LTBP3: variants seen among roughly 807,000 people sequenced by gnomAD.
The protein encoded by LTBP3 is latent transforming growth factor beta binding protein 3, also known as latent-transforming growth factor beta-binding protein 3.
LTBP3 carries 97 observed loss-of-function variants against 159.7 expected under a neutral mutation model. That is an observed-to-expected ratio of 0.61 (90% confidence interval 0.52 to 0.72). LTBP3 has a LOEUF of 0.72. Among genes scored for constraint, LTBP3 ranks in the 30% least tolerant of loss-of-function variants. The pLI, the probability that LTBP3 is intolerant of heterozygous loss-of-function variation, is 0.00. For missense variants in LTBP3, 1,584 were observed against 1,864.3 expected (o/e 0.85, Z 2.77); for synonymous variants, 824 against 777.1 (o/e 1.06, Z -1.00).
rs547217684 is a variant in LTBP3, at chr11:65,554,848, C to A, written c.332-468G>T. Among the ~76,000 whole-genome samples, 2 of 152,072 alleles carry A rather than the reference C, an allele frequency of 1.3e-5. No homozygotes were observed. Among genetic ancestry groups the A allele is most frequent in the South Asian group, 4.1e-4 (2 of 4,824 alleles). ...CCCATAAACCCTTCCCTCCTTCAGGCCTCAGTCCTCTCTGCCTGCTCTCCA... is the reference window on the plus strand; with the variant it reads ...CCCATAAACCCTTCCCTCCTTCAGGACTCAGTCCTCTCTGCCTGCTCTCCA... On this transcript the variant is annotated intron_variant, in intron 1 of 27. Transcript: ENST00000301873. The surrounding 1 kb of genome is among the most constrained non-coding windows in gnomAD (Gnocchi z 5.3).
At chr11:65,555,025 C>A (rs1422026304) in intron 1 of LTBP3, among the ~76,000 whole-genome samples, 1 of 151,976 alleles carries the variant, frequency 6.6e-6, no homozygotes, top group Non-Finnish European at 1.5e-5. Flanking sequence ...CCTGCCTCCC[C>A]ACCTCCTCTT....
intron 18 of LTBP3, chr11:65,542,060 T>C: frequency 5.7e-6 from 2 of 348,510 alleles, no homozygotes; most frequent in Non-Finnish European, 1.1e-5. Flanking sequence ...AACTCTGTGC[T>C]CAGGGCACCC....
intron 11 of LTBP3, 93 bp downstream of exon 11, chr11:65,551,033 A>C: frequency 8.9e-5 from 86 of 968,336 alleles, no homozygotes; most frequent in Middle Eastern, 2.3e-4. Flanking sequence ...CTAGCCTATT[A>C]GCGCTAGGGA....
In LTBP3 at chr11:65,539,315, A is replaced by G; in HGVS notation, c.3760+13T>C. ...GGCCCCGCCCCTGCCCCCACCCCCG[A>G]AGCCCGGCTCACCCACGCAGCGGGC... On this transcript the variant is annotated intron_variant, in intron 27 of 27. Coordinates refer to ENST00000301873, the MANE Select transcript of LTBP3 (RefSeq NM_001130144.3). The G allele has an allele frequency of 7.0e-7, 1 of 1,424,310 alleles. No individual in the cohort carries two copies. Among genetic ancestry groups the G allele is most frequent in the Non-Finnish European group, 9.3e-7 (1 of 1,072,312 alleles). The allele number at this position is 1,424,310 out of a possible 1,614,324, so 88.2% of individuals were successfully genotyped here.
At position 65,558,310 on chromosome 11, in the gene LTBP3, C is replaced by T; in HGVS notation, c.-351G>A. On this transcript the variant is annotated 5_prime_UTR_variant, in exon 1 of 28. Coordinates refer to ENST00000301873, the MANE Select transcript of LTBP3 (RefSeq NM_001130144.3). ...GCCTCCCCCTGGCCGGGCTCCTCTCCCGCGGCCGCGGGGAGGCAGGGAGCG... is the reference window on the plus strand; with the variant it reads ...GCCTCCCCCTGGCCGGGCTCCTCTCTCGCGGCCGCGGGGAGGCAGGGAGCG... The T allele has an allele frequency of 1.6e-6, 1 of 630,344 alleles. No homozygotes were observed. Among genetic ancestry groups the T allele is most frequent in the Non-Finnish European group, 2.0e-6 (1 of 489,996 alleles). 39.0% of individuals were successfully genotyped at this position (630,344 alleles called of 1,614,324 possible). A position where few individuals can be genotyped will look rare whatever the true frequency, so the allele number is the denominator to read the frequency against.
rs1165340302 is a variant in LTBP3 at position 65,547,258 on chromosome 11, C to T, written c.2107+181G>A. Among the ~76,000 whole-genome samples, 1 of 151,896 alleles carries T rather than the reference C, an allele frequency of 6.6e-6. No individual in the cohort carries two copies. Among genetic ancestry groups the T allele is most frequent in the Non-Finnish European group, 1.5e-5 (1 of 67,960 alleles). ...ACTCGGGAGGCTGAGGCAGGAGAAT[C>T]GCTTGAACCCGGGAGGCGGAGGTTG... On this transcript the variant is annotated intron_variant, in intron 14 of 27. Transcript: ENST00000301873. The surrounding 1 kb of genome is among the most constrained non-coding windows in gnomAD (Gnocchi z 4.6).
Position 65,551,413 on chromosome 11 carries a change from C to G in LTBP3, c.1610G>C (p.Arg537Pro). The change falls in exon 10 of 28, where the codon CGG becomes CCG. Residue 537 changes from arginine (R) to proline (P), a missense_variant. By Grantham distance (103) the Arg-to-Pro change is moderately radical (BLOSUM62 -2). This residue lies in a region of LTBP3 where 565 missense variants were observed against 677.7 expected (regional missense o/e 0.83). Coordinates refer to ENST00000301873, the MANE Select transcript of LTBP3 (RefSeq NM_001130144.3). ...SHPTATTTPA[R>P]PYPELISRPS... ...AGTGCCCAGCTCACCGGGGTAGGGC[C>G]GGGCAGGAGTCGTGGTGGCAGTTGG... 6.2e-7 allele frequency: 1 copy of G among 1,613,416 alleles called. No individual in the cohort carries two copies.
Position 65,539,629 on chromosome 11 carries a change from C to A in LTBP3, c.3548-1G>T. ...CTCTGCGATGTCGGGCAATGGGACC[C>A]TGGGAGGAGCAGAACTGGTCAGCGA... On this transcript the variant is annotated splice_acceptor_variant, in intron 25 of 27. Transcript: ENST00000301873. LOFTEE classifies it high-confidence loss of function. The A allele has an allele frequency of 6.2e-7, 1 of 1,609,508 alleles. No homozygotes were observed. The highest frequency in any genetic ancestry group is 8.5e-7 in the Non-Finnish European group (1 of 1,178,632).
intron 25 of LTBP3, 25 bp from the exon 26 acceptor site, chr11:65,539,653 G>A: frequency 5.0e-6 from 8 of 1,595,944 alleles, no homozygotes; most frequent in East Asian, 2.3e-5. Flanking sequence ...ACTGGTCAGC[G>A]ACGTCCGGGT....
At chr11:65,540,403 G>T in intron 22 of LTBP3, 21 bp from the exon 23 acceptor site, 1 of 1,605,216 alleles carries the variant, frequency 6.2e-7, no homozygotes, top group Non-Finnish European at 8.5e-7. Flanking sequence ...GAAAAGCGTG[G>T]GTAGCAGGGG....
chr11:65,557,846 G>T lies in LTBP3; in HGVS notation c.114C>A (p.Gly38=). ...CGGCCGGCCCCCCCTCGACCCTGCC[G>T]CCCAGGCCCAGCAGCAGCAGCAGCA... The part of the protein sequence containing the change: ...LLLLLLLLGL[G]GRVEGGPAGE... Residue 38 remains glycine (G), a synonymous_variant, in exon 1 of 28, where the codon GGC becomes GGA. Transcript: ENST00000301873. 7.3e-6 allele frequency: 10 copies of T among 1,370,628 alleles called. No individual in the cohort carries two copies. Among genetic ancestry groups the T allele is most frequent in the Non-Finnish European group, 9.5e-6 (10 of 1,058,168 alleles). 84.9% of individuals were successfully genotyped at this position (1,370,628 alleles called of 1,614,324 possible).
intron 16 of LTBP3, chr11:65,543,934 C>A (rs12419994): frequency 2.1e-3 from 698 of 330,992 alleles, no homozygotes; most frequent in Admixed American, 8.8e-3. Flanking sequence ...CCCCGGGACA[C>A]ACTTTCCTGA....
intron 21 of LTBP3, 110 bp from the exon 22 acceptor site, chr11:65,540,724 G>GCGGGGCCTACAGGAGGGT: frequency 2.6e-6 from 4 of 1,562,162 alleles, no homozygotes; most frequent in Non-Finnish European, 3.5e-6. Flanking sequence ...TACAGGAGGG[G>GCGGGGCCTACAGGAGGGT]CGGGGCCTAC....
In LTBP3 at chr11:65,546,385, C is replaced by T; in HGVS notation, c.2353+57G>A. On this transcript the variant is annotated intron_variant, in intron 16 of 27. Coordinates refer to ENST00000301873, the MANE Select transcript of LTBP3 (RefSeq NM_001130144.3). The surrounding 1 kb of genome is among the most constrained non-coding windows in gnomAD (Gnocchi z 4.0). ...TGTTTACAGACAGCGTGACCCGCTC[C>T]CCGGCTTCAGCGCGTAGGGGGCGGC... is the stretch of plus-strand genomic sequence containing the variant. 6.7e-7 allele frequency: 1 copy of T among 1,487,078 alleles called. No individual in the cohort carries two copies. Among genetic ancestry groups the T allele is most frequent in the Non-Finnish European group, 8.9e-7 (1 of 1,124,388 alleles). The allele number at this position is 1,487,078 out of a possible 1,614,324, so 92.1% of individuals were successfully genotyped here.
intron 21 of LTBP3, 94 bp downstream of exon 21, chr11:65,540,757 TGCGGGCGGGGCTTACCCGGC>T: frequency 2.8e-6 from 3 of 1,089,868 alleles, no homozygotes; most frequent in South Asian, 3.5e-5. Flanking sequence ...GCGAGGAAGG[TGCGGGCGGGGCTTACCCGGC>T]GCGGGCAGCT....
Position 65,546,435 on chromosome 11 carries a change from C to G in LTBP3, c.2353+7G>C. On this transcript the variant is annotated splice_region_variant and intron_variant, in intron 16 of 27. Coordinates refer to ENST00000301873, the MANE Select transcript of LTBP3 (RefSeq NM_001130144.3). This position sits in a 1 kb window ranked among gnomAD's most constrained non-coding sequence, Gnocchi z 4.0. ...CGGAGGCCCGGGGCGGGGGTGCTGG[C>G]GCTCACCCAAGCAACTGCGGCCGTC... The G allele has an allele frequency of 1.9e-6, 3 of 1,547,736 alleles. No individual in the cohort carries two copies. In the Admixed American group the frequency reaches 5.8e-5, roughly 30 times the overall value.
intron 18 of LTBP3, 161 bp downstream of exon 18, chr11:65,542,943 TG>T: frequency 1.2e-6 from 1 of 813,020 alleles, no homozygotes. Flanking sequence ...GATGGATGGA[TG>T]GATGGATGGA....
Position 65,548,009 on chromosome 11 carries a change from CCA to C in LTBP3, c.1755_1756del (p.Cys585TrpfsTer11). 1 of 1,613,902 alleles carries C rather than the reference CCA, an allele frequency of 6.2e-7. No individual in the cohort carries two copies. Among genetic ancestry groups the C allele is most frequent in the Non-Finnish European group, 8.5e-7 (1 of 1,179,986 alleles). On this transcript the variant is annotated frameshift_variant, in exon 12 of 28. Coordinates refer to ENST00000301873, the MANE Select transcript of LTBP3 (RefSeq NM_001130144.3). LOFTEE classifies it high-confidence loss of function. ...GGGGCCCGGCACGCACTCTCCGTGG[CCA>C]CAGATGTTCTGGTTCAGTCGGCACT...
At chr11:65,557,548 T>C (rs1015031365) in intron 1 of LTBP3, 81 bp downstream of exon 1, 18 of 1,586,930 alleles carry the variant, frequency 1.1e-5, no homozygotes, top group Non-Finnish European at 1.5e-5. Context: ...CCCCAGTCTC[T>C]AAGGCCAAGA....
Sources: gnomAD v4.1 joint callset for allele counts (sites outside exome capture counted in the v4.1 genomes callset) on GRCh38, gnomAD v4.1.1 for gene constraint, gnomAD v4.1.1 regional missense constraint, Gnocchi (gnomAD v3.1) non-coding constraint, MANE v1.5 for transcripts, NCBI Gene and HGNC (gene_info 2026-07-23, HGNC 2026-07-21) for gene names.